Variants in FSTL1 observed in about 807,000 individuals in gnomAD.
FSTL1 encodes follistatin-related protein 1.
A neutral mutation model predicts 45.9 loss-of-function variants in FSTL1; 24 were observed. The observed-to-expected ratio is 0.52, with a 90% CI of 0.38 to 0.74. The LOEUF is 0.74. Ranked by LOEUF, FSTL1 falls within the 30% of genes least tolerant of loss-of-function variation. The pLI, the probability that FSTL1 is intolerant of heterozygous loss-of-function variation, is 0.00. For synonymous variants in FSTL1, 120 were observed against 137.6 expected, an observed-to-expected ratio of 0.87 and a Z score of 0.89; for missense variants, 340 against 381.8, an observed-to-expected ratio of 0.89 and a Z score of 0.91.
intron 1 of FSTL1, 66 bp downstream of exon 1, chr3:120,450,831 C>G (rs1386658343): frequency 9.9e-7 from 1 of 1,008,878 alleles, no homozygotes; most frequent in Non-Finnish European, 1.4e-6. Flanking sequence ...CAGGCTCGCT[C>G]CGGCCGCCCA....
intron 2 of FSTL1, chr3:120,438,371 T>C (rs1203418409): frequency 2.0e-5 from 3 of 152,194 alleles, no homozygotes; most frequent in Non-Finnish European, 4.4e-5. Flanking sequence ...AATCAAGTGA[T>C]TCCTTTCTGT....
In FSTL1 at chr3:120,412,003, G is replaced by C; in HGVS notation, c.169-20C>G. ...GCATTGCTGAAACAGACCCAAAAGA[G>C]AATGTTTGTGCAGTTATGGATATCG... On this transcript the variant is annotated intron_variant, in intron 3 of 10. Coordinates refer to ENST00000295633, the MANE Select transcript of FSTL1 (RefSeq NM_007085.5). The C allele has an allele frequency of 6.2e-7, 1 of 1,603,596 alleles. No homozygotes were observed. The highest frequency in any genetic ancestry group is 8.5e-7 in the Non-Finnish European group (1 of 1,171,824).
intron 3 of FSTL1, among the ~76,000 whole-genome samples, chr3:120,412,678 G>A (rs935995700): frequency 6.6e-6 from 1 of 152,280 alleles, no homozygotes; most frequent in Admixed American, 6.5e-5. Context: ...TGAATTCTCT[G>A]TCACTTTGGA....
At position 120,416,023 on chromosome 3, in the gene FSTL1, T is replaced by G; in HGVS notation, c.68A>C (p.Glu23Ala). The G allele has an allele frequency of 6.2e-7, 1 of 1,609,208 alleles. No homozygotes were observed. Residue 23 changes from glutamate (E) to alanine (A), a missense_variant, in exon 3 of 11, where the codon GAG becomes GCG. Coordinates refer to ENST00000295633, the MANE Select transcript of FSTL1 (RefSeq NM_007085.5). ...ACAGATCTTGGATTTGCTCCTTAGCTCTTCCTAAAACATACAATCATAAAG... is the reference window on the plus strand; with the variant it reads ...ACAGATCTTGGATTTGCTCCTTAGCGCTTCCTAAAACATACAATCATAAAG... ...VAVAWVRAEE[E>A]LRSKSKICAN...
At position 120,400,334 on chromosome 3, in the gene FSTL1, T is replaced by C. The variant is rs559308432; in HGVS notation, c.806-375A>G. Reference sequence around the variant, plus strand: ...ACCATCAAAATGTCCTGGAGAACATTTGAAAAGATAGCTGTCTAGTTCCAC... The same window carrying C: ...ACCATCAAAATGTCCTGGAGAACATCTGAAAAGATAGCTGTCTAGTTCCAC... On this transcript the variant is annotated intron_variant, in intron 9 of 10. Transcript: ENST00000295633. 3.3e-5 allele frequency among the ~76,000 whole-genome samples: 5 copies of C among 152,346 alleles called. No individual in the cohort carries two copies. In the South Asian group the frequency reaches 1.0e-3, roughly 32 times the overall value.
chr3:120,444,615 T>C (rs2107673304), intron 2 of FSTL1, among the ~76,000 whole-genome samples: 1 of 149,970 alleles, frequency 6.7e-6, no homozygotes, highest in South Asian at 2.1e-4. Context: ...AGAGGAATTT[T>C]CCCTTCTCCT....
intron 2 of FSTL1, chr3:120,441,402 T>C (rs1421737622): frequency 6.6e-6 from 1 of 152,244 alleles, no homozygotes; most frequent in Non-Finnish European, 1.5e-5. Flanking sequence ...CTTCAATCTC[T>C]TCCTGGAGGA....
At chr3:120,397,165 T>C (rs767645314) in intron 10 of FSTL1, among the ~76,000 whole-genome samples, 169 bp from the exon 11 acceptor site, 1 of 152,234 alleles carries the variant, frequency 6.6e-6, no homozygotes, top group Admixed American at 6.5e-5. Context: ...ACAAGAACTA[T>C]GGCCTATTCA....
chr3:120,406,773 A>G (rs1936956093), intron 6 of FSTL1, among the ~76,000 whole-genome samples: 1 of 151,934 alleles, frequency 6.6e-6, no homozygotes, highest in Non-Finnish European at 1.5e-5. Context: ...AGTCAGTTAC[A>G]AAGACATAAT....
At chr3:120,398,514 C>T (rs146731060) in intron 10 of FSTL1, among the ~76,000 whole-genome samples, 1 of 152,312 alleles carries the variant, frequency 6.6e-6, no homozygotes, top group East Asian at 1.9e-4. Flanking sequence ...CTTGTAGAAA[C>T]AGCCCAGCTT....
intron 5 of FSTL1, chr3:120,410,676 A>G (rs1457977864): frequency 7.0e-6 from 4 of 570,542 alleles, no homozygotes; most frequent in Non-Finnish European, 1.3e-5. Flanking sequence ...AAATGAACTC[A>G]GTGGCTTTCC....
intron 2 of FSTL1, among the ~76,000 whole-genome samples, chr3:120,439,587 A>G (rs1252169108): frequency 6.6e-6 from 1 of 152,212 alleles, no homozygotes; most frequent in Non-Finnish European, 1.5e-5. Context: ...TGACTCAGAG[A>G]TAACGTTGGG....
Position 120,393,232 on chromosome 3 carries a change from C to G in FSTL1, c.*3720G>C, listed in dbSNP as rs1936625890. The G allele has an allele frequency of 1.3e-5, 2 of 152,138 alleles. No individual in the cohort carries two copies. The highest frequency in any genetic ancestry group is 2.9e-5 in the Non-Finnish European group (2 of 68,024). The allele number at this position is 152,138 out of a possible 1,614,324, so 9.4% of individuals were successfully genotyped here. ...TTTGATTAGCATTTGGGTAATATCCCAAATCCAATCAAAGTGATCCAGCTA... is the reference window on the plus strand; with the variant it reads ...TTTGATTAGCATTTGGGTAATATCCGAAATCCAATCAAAGTGATCCAGCTA... On this transcript the variant is annotated 3_prime_UTR_variant, in exon 11 of 11. Transcript: ENST00000295633.
chr3:120,450,727 G>A lies in FSTL1; in HGVS notation c.20C>T (p.Ala7Val), dbSNP rs757576992. The change falls in exon 2 of 11, where the codon GCG becomes GTG. Residue 7 changes from alanine (A) to valine (V), a missense_variant. Transcript: ENST00000295633. ...GACCGCCACCAGCGCGAGCGCGAGC[G>A]CGAGCCAGCGTTTCCACATCTGCGG... is the stretch of plus-strand genomic sequence containing the variant. The part of the protein sequence containing the change: MWKRWL[A>V]LALALVAVAW... 2 of 797,502 alleles carry A rather than the reference G, an allele frequency of 2.5e-6. No individual in the cohort carries two copies. Among genetic ancestry groups the A allele is most frequent in the South Asian group, 1.4e-5 (1 of 72,120 alleles). The allele number at this position is 797,502 out of a possible 1,614,324, so 49.4% of individuals were successfully genotyped here. A position where few individuals can be genotyped will look rare whatever the true frequency, so the allele number is the denominator to read the frequency against.
intron 9 of FSTL1, among the ~76,000 whole-genome samples, chr3:120,400,841 G>C (rs1193037422): frequency 6.6e-6 from 1 of 152,158 alleles, no homozygotes; most frequent in East Asian, 1.9e-4. Context: ...ATCCATACGT[G>C]CTCAGGCCCC....
chr3:120,434,588 T>C (rs987228347), intron 2 of FSTL1, among the ~76,000 whole-genome samples: 2 of 152,232 alleles, frequency 1.3e-5, no homozygotes, highest in African/African-American at 4.8e-5. Context: ...TTACTTATTA[T>C]ACTTCCTTCT....
chr3:120,446,755 A>G (rs570321988), intron 2 of FSTL1, among the ~76,000 whole-genome samples: 54 of 152,314 alleles, frequency 3.5e-4, no homozygotes, highest in African/African-American at 1.2e-3. Flanking sequence ...TACAATGCCG[A>G]TAATAGGGTA....
At chr3:120,410,722 G>C (rs948619944) in intron 5 of FSTL1, 2 of 649,060 alleles carry the variant, frequency 3.1e-6, no homozygotes, top group Non-Finnish European at 5.8e-6. Context: ...AGGAAAAATG[G>C]GAAAACACAG....
intron 2 of FSTL1, among the ~76,000 whole-genome samples, chr3:120,447,539 G>C (rs773993421): frequency 2.0e-5 from 3 of 152,226 alleles, no homozygotes; most frequent in Non-Finnish European, 4.4e-5. Context: ...AGTAGTAAGA[G>C]AGTGAGCAGG....
Sources: allele counts gnomAD v4.1 joint callset (sites outside exome capture counted in the v4.1 genomes callset), GRCh38; gene constraint gnomAD v4.1.1; transcripts MANE v1.5; gene names NCBI Gene and HGNC (gene_info 2026-07-23, HGNC 2026-07-21).